SESN3: variants seen among roughly 807,000 people sequenced by gnomAD.
The protein encoded by SESN3 is sestrin-3.
In SESN3, 21 loss-of-function variants were observed where a neutral mutation model predicts 55.3. The observed-to-expected ratio is 0.38, with a 90% CI of 0.27 to 0.55. SESN3 has a LOEUF of 0.55. Ranked by LOEUF, SESN3 falls within the 20% of genes least tolerant of loss-of-function variation. The pLI is 0.76. For missense variants in SESN3, 408 were observed against 604.3 expected (o/e 0.68, Z 3.41); for synonymous variants, 181 against 203.1 (o/e 0.89, Z 0.93).
At chr11:95,201,639 T>C (rs1384177319) in intron 1 of SESN3, among the ~76,000 whole-genome samples, 2 of 152,034 alleles carry the variant, frequency 1.3e-5, no homozygotes, top group Admixed American at 6.6e-5. Flanking sequence ...CCCAGAATTA[T>C]ACAAATCTAC....
rs1859773045 is a variant in SESN3 at position 95,167,514 on chromosome 11, A to G, written c.*5741T>C. 1 of 151,780 alleles carries G rather than the reference A, an allele frequency of 6.6e-6. No homozygotes were observed. The highest frequency in any genetic ancestry group is 1.5e-5 in the Non-Finnish European group (1 of 68,036). 9.4% of individuals were successfully genotyped at this position (151,780 alleles called of 1,614,324 possible). A position where few individuals can be genotyped will look rare whatever the true frequency, so the allele number is the denominator to read the frequency against. ...TTCATTCTGTACTTCATGGTGGTAC[A>G]GTCATAATTAGGTTAAAGCTAAAAT... On this transcript the variant is annotated 3_prime_UTR_variant, in exon 10 of 10. Coordinates refer to ENST00000536441, the MANE Select transcript of SESN3 (RefSeq NM_144665.4).
rs1860820011 is a variant in SESN3, at chr11:95,219,463, A to G, written c.78+11320T>C. 2.0e-5 allele frequency among the ~76,000 whole-genome samples: 3 copies of G among 152,184 alleles called. No homozygotes were observed. In the South Asian group the frequency reaches 6.2e-4, roughly 32 times the overall value. The stretch of plus-strand genomic sequence containing the variant: ...GAACTTTCTGGGTAGGTAAAACATG[A>G]TTTCTTTTTCATCTGTGTTACCTTA... On this transcript the variant is annotated intron_variant, in intron 1 of 9. Transcript: ENST00000536441.
intron 2 of SESN3, 93 bp from the exon 3 acceptor site, chr11:95,191,694 A>T (rs1380635212): frequency 5.8e-6 from 5 of 861,574 alleles, no homozygotes; most frequent in Admixed American, 4.7e-5. Flanking sequence ...GCAAATGAAT[A>T]TTCATTTGAT....
intron 4 of SESN3, among the ~76,000 whole-genome samples, chr11:95,188,024 A>AT (rs1289582493): frequency 6.6e-6 from 1 of 151,866 alleles, no homozygotes; most frequent in East Asian, 1.9e-4. Context: ...CTTAAAAAAA[A>AT]AAAAAAAATC....
At chr11:95,176,806 G>C (rs1859965356) in intron 8 of SESN3, among the ~76,000 whole-genome samples, 1 of 152,010 alleles carries the variant, frequency 6.6e-6, no homozygotes, top group African/African-American at 2.4e-5. Flanking sequence ...TCTTAAGTAG[G>C]TAGATATGAT....
intron 1 of SESN3, among the ~76,000 whole-genome samples, chr11:95,218,637 G>C (rs1371320626): frequency 6.8e-6 from 1 of 147,290 alleles, no homozygotes; most frequent in Non-Finnish European, 1.5e-5. Context: ...CCTAAACATA[G>C]ATTTACCCTC....
intron 1 of SESN3, among the ~76,000 whole-genome samples, chr11:95,216,289 C>T (rs1860755819): frequency 6.6e-6 from 1 of 151,966 alleles, no homozygotes; most frequent in Non-Finnish European, 1.5e-5. Context: ...TTTATAGTAA[C>T]AATGGACTCC....
intron 1 of SESN3, among the ~76,000 whole-genome samples, chr11:95,196,771 A>C (rs978245538): frequency 6.6e-6 from 1 of 152,178 alleles, no homozygotes; most frequent in African/African-American, 2.4e-5. Flanking sequence ...TCCATCTTCC[A>C]CTGCAGACAG....
At chr11:95,218,526 A>G in intron 1 of SESN3, among the ~76,000 whole-genome samples, 1 of 152,222 alleles carries the variant, frequency 6.6e-6, no homozygotes, top group East Asian at 1.9e-4. Context: ...AAGAATCTGA[A>G]GGCCAGGAAA....
chr11:95,185,318 C>G lies in SESN3; in HGVS notation c.700G>C (p.Val234Leu). Residue 234 changes from valine to leucine, a missense_variant, in exon 5 of 10, where the codon GTT (valine) becomes CTT (leucine). Coordinates refer to ENST00000536441, the MANE Select transcript of SESN3 (RefSeq NM_144665.4). ...TTGTTGTCATTAGCAAGATCACAAACGCAGAAATTGTTGACTGATATTAGC... is the reference window on the plus strand; with the variant it reads ...TTGTTGTCATTAGCAAGATCACAAAGGCAGAAATTGTTGACTGATATTAGC... ...FRLISVNNFCVCDLANDNNIE... is the reference protein window; with the variant it reads ...FRLISVNNFCLCDLANDNNIE... 6.2e-7 allele frequency: 1 copy of G among 1,613,136 alleles called. No homozygotes were observed. The highest frequency in any genetic ancestry group is 8.5e-7 in the Non-Finnish European group (1 of 1,179,368).
At chr11:95,186,277 C>T (rs967850829) in intron 4 of SESN3, among the ~76,000 whole-genome samples, 6 of 132,532 alleles carry the variant, frequency 4.5e-5, no homozygotes, top group Non-Finnish European at 1.6e-5. Context: ...CCTCTCTTTC[C>T]CTCCTTCCAA....
In SESN3 at chr11:95,191,477, A is replaced by G. The variant is rs201726023; in HGVS notation, c.269T>C (p.Leu90Ser). The G allele has an allele frequency of 6.2e-7, 1 of 1,613,146 alleles. No homozygotes were observed. Among genetic ancestry groups the G allele is most frequent in the Non-Finnish European group, 8.5e-7 (1 of 1,179,358 alleles). Residue 90 changes from leucine (L) to serine (S), a missense_variant, in exon 3 of 10, where the codon TTG (leucine) becomes TCG (serine). By Grantham distance (145) the Leu-to-Ser change is moderately radical. Transcript: ENST00000536441. ...SLHTQYLESF[L>S]RSQFYMLRMD... is the part of the protein sequence containing the mutation. ...GCGCAACATGTAAAACTGGCTCCGC[A>G]AGAAAGACTCCAGGTACTGAGTGTG... is the stretch of plus-strand genomic sequence containing the variant.
chr11:95,210,736 T>C (rs1187070350), intron 1 of SESN3, among the ~76,000 whole-genome samples: 3 of 152,212 alleles, frequency 2.0e-5, no homozygotes, highest in Admixed American at 6.5e-5. Context: ...AAACTTATTA[T>C]TCCAATATAC....
chr11:95,225,880 T>A (rs1860939132), intron 1 of SESN3, among the ~76,000 whole-genome samples: 1 of 152,166 alleles, frequency 6.6e-6, no homozygotes, highest in Non-Finnish European at 1.5e-5. Flanking sequence ...TAACTCTTAG[T>A]CTTTTCAAAC....
intron 1 of SESN3, among the ~76,000 whole-genome samples, chr11:95,197,119 A>G (rs1420608391): frequency 6.6e-6 from 1 of 152,194 alleles, no homozygotes; most frequent in East Asian, 1.9e-4. Flanking sequence ...TTGTGGTAAT[A>G]AATAAATAAC....
At chr11:95,228,393 G>A (rs897693594) in intron 1 of SESN3, among the ~76,000 whole-genome samples, 2 of 152,140 alleles carry the variant, frequency 1.3e-5, no homozygotes, top group African/African-American at 4.8e-5. Context: ...CTTCCATTAT[G>A]AATTAGACTG....
At chr11:95,231,751 G>A, upstream of SESN3, 1 of 152,220 alleles carries the variant, frequency 6.6e-6, no homozygotes, top group East Asian at 1.9e-4. Context: ...CTGTAAAGAA[G>A]ACTGCAGTTA....
At chr11:95,201,117 T>C (rs1591063827) in intron 1 of SESN3, 1 of 152,154 alleles carries the variant, frequency 6.6e-6, no homozygotes, top group East Asian at 1.9e-4. Context: ...AGAAATAATA[T>C]GAGATATTAT....
At chr11:95,207,013 T>TCGTGATCCACCCGCCTCAGCCC (rs1184956703) in intron 1 of SESN3, among the ~76,000 whole-genome samples, 1 of 152,050 alleles carries the variant, frequency 6.6e-6, no homozygotes, top group Non-Finnish European at 1.5e-5. Context: ...ACTCCTGACC[T>TCGTGATCCACCCGCCTCAGCCC]CGTGATCCAC....
Sources: gnomAD v4.1 joint callset for allele counts (sites outside exome capture counted in the v4.1 genomes callset) on GRCh38, gnomAD v4.1.1 for gene constraint, MANE v1.5 for transcripts, NCBI Gene and HGNC (gene_info 2026-07-23, HGNC 2026-07-21) for gene names.